NRG3: variants seen among roughly 807,000 people sequenced by gnomAD.
The protein encoded by NRG3 is pro-neuregulin-3, membrane-bound isoform.
Under a neutral mutation model 66.9 loss-of-function variants are expected in NRG3, and 31 were observed. The observed-to-expected ratio is 0.46, with a 90% CI of 0.35 to 0.63. NRG3 has a LOEUF of 0.63. Ranked by LOEUF, NRG3 falls within the 20% of genes least tolerant of loss-of-function variation. The pLI is 0.00. For synonymous variants in NRG3, 393 were observed against 359.4 expected, an observed-to-expected ratio of 1.09 and a Z score of -1.06; for missense variants, 910 against 878.9, an observed-to-expected ratio of 1.04 and a Z score of -0.45.
intron 1 of NRG3, among the ~76,000 whole-genome samples, chr10:81,901,966 G>T (rs895315533): frequency 1.3e-5 from 2 of 152,162 alleles, no homozygotes; most frequent in African/African-American, 2.4e-5. Context: ...GTATGTGTGT[G>T]CGTGTGAGTG....
intron 3 of NRG3, among the ~76,000 whole-genome samples, chr10:82,774,571 T>C (rs556123748): frequency 2.0e-5 from 3 of 152,180 alleles, no homozygotes; most frequent in South Asian, 4.1e-4. Flanking sequence ...TTGTTCACAA[T>C]AGCCGATTAT....
intron 1 of NRG3, among the ~76,000 whole-genome samples, chr10:82,006,958 T>C (rs888053965): frequency 6.6e-6 from 1 of 152,182 alleles, no homozygotes; most frequent in Non-Finnish European, 1.5e-5. Context: ...CCATCTTCCT[T>C]GAAAACACTA....
At chr10:82,827,272 A>G (rs2062276331) in intron 3 of NRG3, 2 of 354,044 alleles carry the variant, frequency 5.6e-6, no homozygotes, top group Non-Finnish European at 1.1e-5. Flanking sequence ...CAAAGACTGG[A>G]ACAACAACAA....
intron 2 of NRG3, among the ~76,000 whole-genome samples, chr10:82,689,282 T>G (rs2054743201): frequency 2.6e-5 from 4 of 152,192 alleles, no homozygotes; most frequent in Admixed American, 2.6e-4. Context: ...TGAATGCTGA[T>G]GTACTGATTA....
intron 1 of NRG3, among the ~76,000 whole-genome samples, chr10:82,304,912 A>G (rs982265659): frequency 6.9e-6 from 1 of 145,650 alleles, no homozygotes; most frequent in African/African-American, 2.5e-5. Flanking sequence ...ATCTTAAAAT[A>G]TTGACTATCA....
chr10:82,007,879 T>A (rs1211073469), intron 1 of NRG3, among the ~76,000 whole-genome samples: 1 of 152,204 alleles, frequency 6.6e-6, no homozygotes, highest in Non-Finnish European at 1.5e-5. Context: ...ACTGTTGAGC[T>A]CTAAATGCTT....
chr10:82,320,874 C>G (rs1024502250), intron 1 of NRG3, among the ~76,000 whole-genome samples: 1 of 152,154 alleles, frequency 6.6e-6, no homozygotes, highest in African/African-American at 2.4e-5. Context: ...CTATACTTTG[C>G]TCATATAAAC....
At chr10:82,980,335 C>A (rs960471560) in intron 8 of NRG3, among the ~76,000 whole-genome samples, 2 of 152,032 alleles carry the variant, frequency 1.3e-5, no homozygotes, top group African/African-American at 4.8e-5. Context: ...AGAAGTGGTA[C>A]TGGTATTTAT....
At chr10:82,316,148 C>T (rs1158650083) in intron 1 of NRG3, among the ~76,000 whole-genome samples, 2 of 152,084 alleles carry the variant, frequency 1.3e-5, no homozygotes, top group African/African-American at 4.8e-5. Flanking sequence ...GAGATCTCAA[C>T]CCCCGCGAAA....
rs1266326783 is a variant in NRG3 at position 81,876,090 on chromosome 10, T to C, written c.750T>C (p.Ala250=). 1.2e-6 allele frequency: 2 copies of C among 1,613,362 alleles called. No individual in the cohort carries two copies. The highest frequency in any genetic ancestry group is 1.3e-5 in the African/African-American group (1 of 74,920). The change falls in exon 1 of 9, where the codon GCT becomes GCC. Residue 250 remains alanine (A), a synonymous_variant. Coordinates refer to ENST00000372141, the MANE Select transcript of NRG3 (RefSeq NM_001010848.4). ...GGACCCTGTCTCCCTTTCAGGATGCTGCCTCCTCTTCTTCCTCTTCTTCCT... is the reference window on the plus strand; with the variant it reads ...GGACCCTGTCTCCCTTTCAGGATGCCGCCTCCTCTTCTTCCTCTTCTTCCT... ...PSWTLSPFQD[A]ASSSSSSSSS... is the part of the protein sequence containing the mutation.
intron 2 of NRG3, among the ~76,000 whole-genome samples, chr10:82,438,567 C>A (rs1357964180): frequency 6.6e-6 from 1 of 152,188 alleles, no homozygotes; most frequent in Admixed American, 6.5e-5. Flanking sequence ...GCTGGTCACC[C>A]CTCACCCCAG....
intron 4 of NRG3, among the ~76,000 whole-genome samples, chr10:82,890,824 T>G (rs1843087415): frequency 6.6e-6 from 1 of 152,186 alleles, no homozygotes; most frequent in Admixed American, 6.5e-5. Flanking sequence ...TGGTCCCTAG[T>G]TTGTATATTT....
intron 1 of NRG3, among the ~76,000 whole-genome samples, chr10:82,184,291 T>A (rs970182382): frequency 1.3e-5 from 2 of 152,168 alleles, no homozygotes; most frequent in African/African-American, 4.8e-5. Context: ...GAACAATAAA[T>A]GGACTCAAGA....
intron 3 of NRG3, among the ~76,000 whole-genome samples, chr10:82,769,124 GAAAT>G (rs1388741851): frequency 3.9e-5 from 6 of 151,998 alleles, no homozygotes; most frequent in South Asian, 2.1e-4. Flanking sequence ...AAAGAAAATG[GAAAT>G]AAATAGTTTG....
chr10:82,762,913 A>C (rs750808140), intron 3 of NRG3, among the ~76,000 whole-genome samples: 2 of 152,234 alleles, frequency 1.3e-5, no homozygotes, highest in East Asian at 3.9e-4. Context: ...CTCTGCCCTC[A>C]TGAATGGATT....
intron 2 of NRG3, among the ~76,000 whole-genome samples, chr10:82,380,412 A>G (rs1181788228): frequency 2.6e-5 from 4 of 152,184 alleles, no homozygotes; most frequent in African/African-American, 9.6e-5. Flanking sequence ...CATGCTAAGT[A>G]CTGTATATAA....
chr10:82,416,103 G>A (rs2088547679), intron 2 of NRG3, among the ~76,000 whole-genome samples: 1 of 152,168 alleles, frequency 6.6e-6, no homozygotes, highest in South Asian at 2.1e-4. Context: ...TACCACATCA[G>A]CTGTTGAATG....
At chr10:82,218,033 G>T (rs1589356827) in intron 1 of NRG3, among the ~76,000 whole-genome samples, 1 of 151,764 alleles carries the variant, frequency 6.6e-6, no homozygotes. Flanking sequence ...TTCTAGTACT[G>T]TATAATCTCA....
chr10:82,918,243 G>A (rs557714343), intron 4 of NRG3, among the ~76,000 whole-genome samples: 56 of 152,018 alleles, frequency 3.7e-4, no homozygotes, highest in African/African-American at 1.1e-3. Context: ...TTTTATACAT[G>A]GCAAGCATTC....
Sources: gnomAD v4.1 joint callset for allele counts (sites outside exome capture counted in the v4.1 genomes callset) on GRCh38, gnomAD v4.1.1 for gene constraint, MANE v1.5 for transcripts, NCBI Gene and HGNC (gene_info 2026-07-23, HGNC 2026-07-21) for gene names.